HECTD4: variants seen among roughly 807,000 people sequenced by gnomAD.
The protein encoded by HECTD4 is HECT domain E3 ubiquitin protein ligase 4, also known as probable E3 ubiquitin-protein ligase HECTD4.
HECTD4 carries 114 observed loss-of-function variants against 471.5 expected under a neutral mutation model. The ratio of observed to expected loss-of-function variants is 0.24; its 90% CI spans 0.21 to 0.28. HECTD4 has a LOEUF of 0.28. Ranked by LOEUF, HECTD4 falls within the 10% of genes least tolerant of loss-of-function variation. The pLI, the probability that HECTD4 is intolerant of heterozygous loss-of-function variation, is 1.00. For synonymous variants in HECTD4, 2,012 were observed against 2,256.0 expected, an observed-to-expected ratio of 0.89 and a Z score of 3.07; for missense variants, 3,866 against 5,651.5, an observed-to-expected ratio of 0.68 and a Z score of 10.13.
At chr12:112,268,028 G>A (rs955070151) in intron 13 of HECTD4, among the ~76,000 whole-genome samples, 5 of 152,168 alleles carry the variant, frequency 3.3e-5, no homozygotes, top group Non-Finnish European at 7.3e-5. Flanking sequence ...GTCTTACTAT[G>A]TTGCCCAGAC....
At position 112,185,049 on chromosome 12, in the gene HECTD4, G is replaced by C; in HGVS notation, c.9917C>G (p.Pro3306Arg). 2 of 1,591,866 alleles carry C rather than the reference G, an allele frequency of 1.3e-6. No homozygotes were observed. Among genetic ancestry groups the C allele is most frequent in the Non-Finnish European group, 8.6e-7 (1 of 1,169,192 alleles). The change falls in exon 61 of 76, where the codon CCC (proline) becomes CGC (arginine). Residue 3306 changes from proline to arginine, a missense_variant. By Grantham distance (103) the Pro-to-Arg change is moderately radical (BLOSUM62 -2). This residue lies in a region of HECTD4 where 38 missense variants were observed against 72.1 expected (regional missense o/e 0.53). Coordinates refer to ENST00000682272, the MANE Select transcript of HECTD4 (RefSeq NM_001388303.1). ...TTTTTTCCTCTTGGAGAGGAGGCTGGGACTCTGTGGGGTCTGTCCTGGGGA... is the reference window on the plus strand; with the variant it reads ...TTTTTTCCTCTTGGAGAGGAGGCTGCGACTCTGTGGGGTCTGTCCTGGGGA... ...SSSPGQTPQS[P>R]SLLSKRKKVK...
At chr12:112,174,665 A>C (rs1156546707) in intron 66 of HECTD4, among the ~76,000 whole-genome samples, 1 of 151,898 alleles carries the variant, frequency 6.6e-6, no homozygotes, top group African/African-American at 2.4e-5. Flanking sequence ...CCTGGGTTCA[A>C]GCGATTGTCC....
chr12:112,183,946 C>A (rs79825185), intron 61 of HECTD4, among the ~76,000 whole-genome samples: 2,132 of 152,308 alleles, frequency 0.014, 56 homozygotes, highest in African/African-American at 0.048. Flanking sequence ...ATGGCGCCCA[C>A]CCACCGCGGA....
In HECTD4 at chr12:112,200,752, A is replaced by C; in HGVS notation, c.8453T>G (p.Val2818Gly). 1 of 1,613,946 alleles carries C rather than the reference A, an allele frequency of 6.2e-7. No individual in the cohort carries two copies. Among genetic ancestry groups the C allele is most frequent in the African/African-American group, 1.3e-5 (1 of 75,038 alleles). ...AATAGGATACCAGTATCGCACCAGC[A>C]CACCTTCACTGCGGAGGTACGTTTC... Reference protein sequence around the residue: ...QVETYLRSEGVLVRYWYPIDM... With the variant: ...QVETYLRSEGGLVRYWYPIDM... Residue 2818 changes from valine to glycine, a missense_variant, in exon 55 of 76, where the codon GTG (valine) becomes GGG (glycine). By Grantham distance (109) the Val-to-Gly change is moderately radical (BLOSUM62 -3). Transcript: ENST00000682272.
At chr12:112,249,318 C>A (rs954483496) in intron 25 of HECTD4, among the ~76,000 whole-genome samples, 1 of 150,394 alleles carries the variant, frequency 6.6e-6, no homozygotes, top group Non-Finnish European at 1.5e-5. Context: ...CACATCACTG[C>A]ACTCCAGCCT....
At chr12:112,256,749 TTTCCAGGACA>T (rs2034019675) in intron 20 of HECTD4, 1 of 335,618 alleles carries the variant, frequency 3.0e-6, no homozygotes, top group South Asian at 1.4e-4. Flanking sequence ...TTTTTGCCTT[TTTCCAGGACA>T]AGAAGCAGAG....
rs1265154540 is a variant in HECTD4 at position 112,207,935 on chromosome 12, G to A, written c.8070C>T (p.Arg2690=). 6.2e-7 allele frequency: 1 copy of A among 1,613,928 alleles called. No homozygotes were observed. The highest frequency in any genetic ancestry group is 1.1e-5 in the South Asian group (1 of 91,060). The change falls in exon 52 of 76, where the codon CGC becomes CGT. Residue 2690 remains arginine (R), a synonymous_variant. Transcript: ENST00000682272. ...ETKVFPTIRR[R]FRNEAERKSG... is the part of the protein sequence containing the mutation. ...ATTTCCGCTCTGCTTCATTGCGGAA[G>A]CGTCTTCGGATGGTAGGAAAAACCT...
rs773191082 is a variant in HECTD4, at chr12:112,190,924, G to A, written c.9334C>T (p.Leu3112=). The A allele has an allele frequency of 3.8e-6, 6 of 1,568,980 alleles. No homozygotes were observed. The South Asian group carries it at 5.9e-5, about 15-fold the overall frequency. The change falls in exon 60 of 76, where the codon CTG becomes TTG. Residue 3112 remains leucine (L), a synonymous_variant. Transcript: ENST00000682272. ...PPGAVLVLHS[L]PLEFPLAMAF... ...ATAGCCAGTGGGAACTCCAGGGGCA[G>A]GGAATGTAACACCAGGACTGCTCCA...
intron 1 of HECTD4, among the ~76,000 whole-genome samples, chr12:112,331,538 G>A (rs1475089731): frequency 6.6e-6 from 1 of 152,142 alleles, no homozygotes; most frequent in Non-Finnish European, 1.5e-5. Flanking sequence ...ATAAAACGAG[G>A]GTAGCACCTC....
chr12:112,335,311 T>A (rs768185753), intron 1 of HECTD4, among the ~76,000 whole-genome samples: 1 of 152,164 alleles, frequency 6.6e-6, no homozygotes, highest in Non-Finnish European at 1.5e-5. Flanking sequence ...TTCTCACTTG[T>A]AAGTGGGAGC....
rs562364291 is a variant in HECTD4, at chr12:112,329,149, G to C, written c.178-9407C>G. On this transcript the variant is annotated intron_variant, in intron 1 of 75. Transcript: ENST00000682272. ...GCTCTTGTTGCCTGAATGCCTACCC[G>C]ACTCAGTGTAAATCCTACCTTTCAA... Among the ~76,000 whole-genome samples, 10 of 152,094 alleles carry C rather than the reference G, an allele frequency of 6.6e-5. No individual in the cohort carries two copies. The South Asian group carries it at 2.1e-3, about 32-fold the overall frequency.
At chr12:112,286,024 C>A (rs1169268023) in intron 7 of HECTD4, among the ~76,000 whole-genome samples, 1 of 151,916 alleles carries the variant, frequency 6.6e-6, no homozygotes, top group Non-Finnish European at 1.5e-5. Context: ...TCAATAGATA[C>A]CTTAAAAACA....
chr12:112,176,233 G>A (rs1055427815), intron 65 of HECTD4, among the ~76,000 whole-genome samples: 14 of 152,234 alleles, frequency 9.2e-5, no homozygotes, highest in African/African-American at 2.2e-4. Context: ...AGCACAGGCC[G>A]CTAGCTTAGG....
Position 112,203,789 on chromosome 12 carries a change from GAGA to G in HECTD4, c.8270-20_8270-18del. On this transcript the variant is annotated intron_variant, in intron 53 of 75. Transcript: ENST00000682272. ...CTGTGAGACCTGAGGAGTGTAGAGG[GAGA>G]AGTTTTTCAGGAAAAAGTACCACTG... The G allele has an allele frequency of 6.6e-7, 1 of 1,520,800 alleles. No individual in the cohort carries two copies. Among genetic ancestry groups the G allele is most frequent in the East Asian group, 2.4e-5 (1 of 41,624 alleles). 94.2% of individuals were successfully genotyped at this position (1,520,800 alleles called of 1,614,324 possible).
At chr12:112,170,508 TC>T (rs3215348) in intron 68 of HECTD4, 56 bp from the exon 69 acceptor site, 2 of 1,588,768 alleles carry the variant, frequency 1.3e-6, no homozygotes, top group Non-Finnish European at 1.7e-6. Flanking sequence ...TCCTTCCCAG[TC>T]CCCCCAAGAC....
rs191427715 is a variant in HECTD4 at position 112,328,610 on chromosome 12, C to G, written c.178-8868G>C. 2.0e-4 allele frequency among the ~76,000 whole-genome samples: 30 copies of G among 152,220 alleles called. No homozygotes were observed. In the East Asian group the frequency reaches 5.4e-3, roughly 27 times the overall value. Reference sequence around the variant, plus strand: ...AACAAAGACTTGAAAAGCTCTCATGCGAGCCAAGTAAGTACATCATGATGG... The same window carrying G: ...AACAAAGACTTGAAAAGCTCTCATGGGAGCCAAGTAAGTACATCATGATGG... On this transcript the variant is annotated intron_variant, in intron 1 of 75. Coordinates refer to ENST00000682272, the MANE Select transcript of HECTD4 (RefSeq NM_001388303.1).
At chr12:112,281,275 A>ATTTT (rs1566097561) in intron 8 of HECTD4, among the ~76,000 whole-genome samples, 1 of 146,982 alleles carries the variant, frequency 6.8e-6, no homozygotes, top group East Asian at 2.6e-4. Context: ...GTTTTTTTTA[A>ATTTT]AAAAAAAAAG....
rs567212007 is a variant in HECTD4 at position 112,359,471 on chromosome 12, G to A, written c.177+22481C>T. ...GTCTCACTCTGTCGCCCACACTGGAGTGCAGGGGAGTGATCTCAGCTCATT... is the reference window on the plus strand; with the variant it reads ...GTCTCACTCTGTCGCCCACACTGGAATGCAGGGGAGTGATCTCAGCTCATT... On this transcript the variant is annotated intron_variant, in intron 1 of 75. Coordinates refer to ENST00000682272, the MANE Select transcript of HECTD4 (RefSeq NM_001388303.1). 2.2e-4 allele frequency among the ~76,000 whole-genome samples: 33 copies of A among 152,290 alleles called. 2 individuals carry two copies. The South Asian group carries it at 6.4e-3, about 30-fold the overall frequency.
intron 48 of HECTD4, among the ~76,000 whole-genome samples, 180 bp downstream of exon 48, chr12:112,216,112 C>A (rs1006680258): frequency 6.6e-6 from 1 of 152,116 alleles, no homozygotes; most frequent in Non-Finnish European, 1.5e-5. Flanking sequence ...GCTCTAATGG[C>A]GAGGGCTCAT....
Sources: gnomAD v4.1 joint callset for allele counts (sites outside exome capture counted in the v4.1 genomes callset) on GRCh38, gnomAD v4.1.1 for gene constraint, gnomAD v4.1.1 regional missense constraint, MANE v1.5 for transcripts, NCBI Gene and HGNC (gene_info 2026-07-23, HGNC 2026-07-21) for gene names.